Variants in NSD1 observed in about 807,000 individuals in gnomAD.
NSD1 encodes nuclear receptor binding SET domain protein 1.
NSD1 carries 26 observed loss-of-function variants against 242.7 expected under a neutral mutation model. The observed-to-expected ratio is 0.11, with a 90% confidence interval of 0.08 to 0.15. The LOEUF is 0.15. Among genes scored for constraint, NSD1 ranks in the 10% least tolerant of loss-of-function variants. The probability of loss-of-function intolerance (pLI) is 1.00; values close to 1 mark genes in which losing one functional copy is unlikely to be tolerated. For synonymous variants in NSD1, 1,106 were observed against 1,178.1 expected, an observed-to-expected ratio of 0.94 and a Z score of 1.25; for missense variants, 2,495 against 3,272.8, an observed-to-expected ratio of 0.76 and a Z score of 5.80.
chr5:177,136,571 G>A (rs147645391), intron 2 of NSD1, among the ~76,000 whole-genome samples: 1 of 151,738 alleles, frequency 6.6e-6, no homozygotes, highest in Admixed American at 6.6e-5. Flanking sequence ...TGAAGGTATA[G>A]CATCCTGTGC....
intron 2 of NSD1, among the ~76,000 whole-genome samples, chr5:177,175,138 T>A (rs527665850): frequency 6.6e-6 from 1 of 152,282 alleles, no homozygotes; most frequent in African/African-American, 2.4e-5. Context: ...CCCAAAGTGC[T>A]GGGATTATAG....
At chr5:177,156,355 A>G (rs1183789369) in intron 2 of NSD1, among the ~76,000 whole-genome samples, 2 of 151,224 alleles carry the variant, frequency 1.3e-5, no homozygotes, top group Non-Finnish European at 2.9e-5. Flanking sequence ...TAATTTTTGT[A>G]TTTTTTGTAG....
At chr5:177,293,459 A>C (rs1760005746) in intron 22 of NSD1, among the ~76,000 whole-genome samples, 1 of 152,170 alleles carries the variant, frequency 6.6e-6, no homozygotes, top group Non-Finnish European at 1.5e-5. Context: ...TGTATAGTAC[A>C]AATGGAGATT....
intron 2 of NSD1, among the ~76,000 whole-genome samples, chr5:177,156,933 G>A (rs1188901370): frequency 1.3e-5 from 2 of 151,850 alleles, no homozygotes; most frequent in African/African-American, 4.8e-5. Context: ...ATCGCACCAC[G>A]GCATTCCAGC....
chr5:177,142,191 T>G (rs975752374), intron 2 of NSD1, among the ~76,000 whole-genome samples: 6 of 152,210 alleles, frequency 3.9e-5, no homozygotes, highest in Non-Finnish European at 7.3e-5. Flanking sequence ...TACTTCTGTG[T>G]TCATGATGAC....
intron 2 of NSD1, among the ~76,000 whole-genome samples, chr5:177,141,625 C>T (rs991323553): frequency 6.6e-6 from 1 of 152,018 alleles, no homozygotes; most frequent in Non-Finnish European, 1.5e-5. Flanking sequence ...CCACCACGAC[C>T]TGCATACCAC....
chr5:177,211,176 G>A lies in NSD1; in HGVS notation c.2777G>A (p.Arg926Gln), dbSNP rs749884498. The change falls in exon 5 of 23, where the codon CGG (arginine) becomes CAG (glutamine). Residue 926 changes from arginine (R) to glutamine (Q), a missense_variant. Around this residue, in one of 19 missense-constraint regions of NSD1, gnomAD observed 121 missense variants for 167.2 expected, o/e 0.72. Transcript: ENST00000439151. Reference sequence around the variant, plus strand: ...CATGATAGTAAGACGAAGGAGCAGCGGTTGATGACTGCTCAAAACCTGGTC... The same window carrying A: ...CATGATAGTAAGACGAAGGAGCAGCAGTTGATGACTGCTCAAAACCTGGTC... ...DMHDSKTKEQ[R>Q]LMTAQNLVSY... is the part of the protein sequence containing the mutation. 22 of 1,613,738 alleles carry A rather than the reference G, an allele frequency of 1.4e-5. No individual in the cohort carries two copies. Among genetic ancestry groups the A allele is most frequent in the East Asian group, 4.5e-5 (2 of 44,888 alleles).
At chr5:177,218,452 G>T (rs1204285155) in intron 5 of NSD1, among the ~76,000 whole-genome samples, 1 of 151,470 alleles carries the variant, frequency 6.6e-6, no homozygotes, top group East Asian at 1.9e-4. Flanking sequence ...TGAAGGTCAT[G>T]TAGTTTTTTT....
intron 11 of NSD1, among the ~76,000 whole-genome samples, chr5:177,250,000 A>T (rs867031516): frequency 6.6e-6 from 1 of 152,152 alleles, no homozygotes; most frequent in Non-Finnish European, 1.5e-5. Flanking sequence ...TCATTGGATC[A>T]CCTGAAGCTG....
At position 177,294,824 on chromosome 5, in the gene NSD1, T is replaced by C; in HGVS notation, c.7456T>C (p.Leu2486=). 6.2e-7 allele frequency: 1 copy of C among 1,612,778 alleles called. No individual in the cohort carries two copies. The highest frequency in any genetic ancestry group is 2.2e-5 in the East Asian group (1 of 44,896). ...TPQADEKMPV[L]ESSSWPASKG... is the part of the protein sequence containing the mutation. ...ACAGGCTGATGAGAAGATGCCAGTG[T>C]TGGAGTCAAGTTCATGGCCTGCCAG... The change falls in exon 23 of 23, where the codon TTG becomes CTG. Residue 2486 remains leucine (L), a synonymous_variant. Coordinates refer to ENST00000439151, the MANE Select transcript of NSD1 (RefSeq NM_022455.5).
chr5:177,141,319 CTTTTTTTT>C (rs567992731), intron 2 of NSD1, among the ~76,000 whole-genome samples: 3 of 97,036 alleles, frequency 3.1e-5, no homozygotes, highest in East Asian at 2.7e-4. Context: ...CGCGCGCAGC[CTTTTTTTT>C]TTTTTTTTTT....
intron 5 of NSD1, among the ~76,000 whole-genome samples, chr5:177,223,528 G>A (rs1406961799): frequency 1.3e-5 from 2 of 151,516 alleles, no homozygotes; most frequent in African/African-American, 2.4e-5. Context: ...AGCTGATATT[G>A]TGCCATAGCA....
At chr5:177,205,671 A>G (rs1762815069) in intron 4 of NSD1, among the ~76,000 whole-genome samples, 1 of 152,084 alleles carries the variant, frequency 6.6e-6, no homozygotes, top group South Asian at 2.1e-4. Context: ...CCTGTTAAAC[A>G]GTAATTCCCC....
upstream of NSD1, chr5:177,132,965 T>G (rs1236721643): frequency 6.6e-6 from 1 of 152,430 alleles, no homozygotes; most frequent in African/African-American, 2.4e-5. The surrounding 1 kb of genome is among the most constrained non-coding windows in gnomAD (Gnocchi z 7.5). Flanking sequence ...GAGGGAGCCC[T>G]GGGGCTGCAC....
rs1472402340 is a variant in NSD1 at position 177,294,504 on chromosome 5, C to T, written c.7136C>T (p.Ser2379Leu). The stretch of plus-strand genomic sequence containing the variant: ...AGGCCCCAGTCACTGGAGAAAACCT[C>T]AGTTCCCACTGGCCTGAGACTTCCG... ...SPRPQSLEKT[S>L]VPTGLRLPPP... Residue 2379 changes from serine (S) to leucine (L), a missense_variant, in exon 23 of 23, where the codon TCA becomes TTA. Physicochemically the swap from Ser to Leu is moderately radical, Grantham distance 145. This residue lies in a region of NSD1 where 475 missense variants were observed against 563.7 expected (regional missense o/e 0.84). Transcript: ENST00000439151. The T allele has an allele frequency of 1.2e-6, 2 of 1,614,088 alleles. No individual in the cohort carries two copies. Among genetic ancestry groups the T allele is most frequent in the East Asian group, 4.5e-5 (2 of 44,898 alleles).
At chr5:177,165,440 C>A (rs1759103863) in intron 2 of NSD1, among the ~76,000 whole-genome samples, 1 of 152,106 alleles carries the variant, frequency 6.6e-6, no homozygotes, top group African/African-American at 2.4e-5. Flanking sequence ...AAATGAGCCA[C>A]CGTGCCTGTC....
rs764760238 is a variant in NSD1, at chr5:177,209,806, C to A, written c.1407C>A (p.Asp469Glu). The change falls in exon 5 of 23, where the codon GAC becomes GAA. Residue 469 changes from aspartate (D) to glutamate (E), a missense_variant. Physicochemically the swap from Asp to Glu is conservative, Grantham distance 45. Transcript: ENST00000439151. ...DCTNDPESEH[D>E]LLLNGCLKSL... Reference sequence around the variant, plus strand: ...CAAATGATCCTGAGTCAGAACATGACCTGTTGCTTAATGGCTGTTTGAAAT... The same window carrying A: ...CAAATGATCCTGAGTCAGAACATGAACTGTTGCTTAATGGCTGTTTGAAAT... 2 of 1,614,118 alleles carry A rather than the reference C, an allele frequency of 1.2e-6. No homozygotes were observed. The highest frequency in any genetic ancestry group is 3.3e-5 in the Admixed American group (2 of 60,020).
intron 2 of NSD1, among the ~76,000 whole-genome samples, chr5:177,156,646 C>G (rs1219488679): frequency 6.6e-6 from 1 of 152,104 alleles, no homozygotes; most frequent in East Asian, 1.9e-4. Flanking sequence ...TCAAGACCCC[C>G]TCTTCATGAA....
intron 2 of NSD1, among the ~76,000 whole-genome samples, chr5:177,158,598 A>G (rs1352486975): frequency 6.6e-6 from 1 of 152,030 alleles, no homozygotes; most frequent in Non-Finnish European, 1.5e-5. Context: ...TCGGCCTCCC[A>G]AAGTGCCGAG....
Sources: gnomAD v4.1 joint callset for allele counts (sites outside exome capture counted in the v4.1 genomes callset) on GRCh38, gnomAD v4.1.1 for gene constraint, gnomAD v4.1.1 regional missense constraint, Gnocchi (gnomAD v3.1) non-coding constraint, MANE v1.5 for transcripts, NCBI Gene and HGNC (gene_info 2026-07-23, HGNC 2026-07-21) for gene names.